DISP1: variants seen among roughly 807,000 people sequenced by gnomAD.
DISP1 encodes protein dispatched homolog 1.
In DISP1, 30 loss-of-function variants were observed where a neutral mutation model predicts 37.3. The observed-to-expected ratio is 0.80, with a 90% CI of 0.60 to 1.09. The LOEUF (loss-of-function observed/expected upper bound fraction) is 1.09, where lower values mean the gene tolerates loss of function less well. Among genes scored for constraint, DISP1 ranks in the 50% least tolerant of loss-of-function variants. The pLI is 0.00. For missense variants in DISP1, 1,598 were observed against 1,879.5 expected (o/e 0.85, Z 2.77); for synonymous variants, 634 against 690.2 (o/e 0.92, Z 1.28).
At chr1:222,981,840 T>C (rs1171446190) in intron 3 of DISP1, among the ~76,000 whole-genome samples, 3 of 152,206 alleles carry the variant, frequency 2.0e-5, no homozygotes, top group Non-Finnish European at 4.4e-5. Context: ...GCTAGGCAAT[T>C]CAATTATTCA....
At chr1:222,963,486 T>C (rs961961393) in intron 3 of DISP1, among the ~76,000 whole-genome samples, 1 of 152,150 alleles carries the variant, frequency 6.6e-6, no homozygotes, top group East Asian at 1.9e-4. Context: ...TGCAGCTCTA[T>C]TTACAATAGC....
intron 1 of DISP1, among the ~76,000 whole-genome samples, chr1:222,864,886 A>G (rs912846407): frequency 6.6e-6 from 1 of 152,198 alleles, no homozygotes; most frequent in Non-Finnish European, 1.5e-5. Context: ...CTTAAGACTC[A>G]TTCCCAAATT....
At chr1:222,948,550 C>G (rs80067453) in intron 3 of DISP1, among the ~76,000 whole-genome samples, 8,806 of 152,282 alleles carry the variant, frequency 0.058, 309 homozygotes, top group Non-Finnish European at 0.075. Context: ...CAGGAACTTA[C>G]TGTAACAAAG....
chr1:222,903,883 T>C (rs1195881673), intron 1 of DISP1, among the ~76,000 whole-genome samples: 3 of 152,202 alleles, frequency 2.0e-5, no homozygotes, highest in Non-Finnish European at 4.4e-5. Flanking sequence ...AGAAGGCTTA[T>C]CTTTGGGTGT....
rs1170292930 is a variant in DISP1, at chr1:222,992,110, A to G, written c.889A>G (p.Ser297Gly). 3.1e-6 allele frequency: 5 copies of G among 1,610,590 alleles called. No homozygotes were observed. In the South Asian group the frequency reaches 3.3e-5, roughly 11 times the overall value. ...HKDSFFCDVP[S>G]DRYSRVVFTS... is the part of the protein sequence containing the mutation. ...GGACAGCTTTTTCTGCGACGTTCCA[A>G]GTGAGTGACATTGTAGATGAACAAA... Residue 297 changes from serine (S) to glycine (G), a missense_variant and splice_region_variant, in exon 7 of 9, where the codon AGT (serine) becomes GGT (glycine). By Grantham distance (56) the Ser-to-Gly change is moderately conservative (BLOSUM62 0). Coordinates refer to ENST00000675850, the MANE Select transcript of DISP1 (RefSeq NM_001377229.1).
chr1:222,894,552 G>T (rs995293302), intron 1 of DISP1, among the ~76,000 whole-genome samples: 2 of 152,232 alleles, frequency 1.3e-5, no homozygotes, highest in Non-Finnish European at 2.9e-5. Flanking sequence ...GGAGCAGGGA[G>T]CAGGGGGAGG....
At chr1:222,914,507 T>G (rs935577643) in intron 1 of DISP1, among the ~76,000 whole-genome samples, 2 of 152,184 alleles carry the variant, frequency 1.3e-5, no homozygotes, top group African/African-American at 4.8e-5. Flanking sequence ...ACTCATCCTC[T>G]TGAAAAGGTT....
intron 4 of DISP1, among the ~76,000 whole-genome samples, chr1:222,986,747 A>G (rs2102721505): frequency 6.6e-6 from 1 of 152,330 alleles, no homozygotes; most frequent in East Asian, 1.9e-4. Context: ...TTTATACAGC[A>G]GTGCCCTGTA....
At chr1:222,977,342 C>CTTTTTT (rs397982983) in intron 3 of DISP1, among the ~76,000 whole-genome samples, 1 of 113,904 alleles carries the variant, frequency 8.8e-6, no homozygotes, top group Non-Finnish European at 1.7e-5. Flanking sequence ...TCAGCATATT[C>CTTTTTT]TTTTTTTTTT....
intron 3 of DISP1, among the ~76,000 whole-genome samples, chr1:222,957,145 T>TA (rs35888809): frequency 0.28 from 28,792 of 103,056 alleles, 3,839 homozygotes; most frequent in Non-Finnish European, 0.3. Context: ...TTTACTATTG[T>TA]AAAAAAAAAA....
chr1:222,862,707 A>G (rs1376257433), intron 1 of DISP1, among the ~76,000 whole-genome samples: 1 of 151,626 alleles, frequency 6.6e-6, no homozygotes, highest in African/African-American at 2.4e-5. Context: ...TCATTTTTAA[A>G]TTTTTTGTAG....
Position 223,002,418 on chromosome 1 carries a change from C to T in DISP1, c.1021C>T (p.Gln341Ter). The change falls in exon 9 of 9, where the codon CAG becomes TAG. Residue 341 changes from glutamine (Q) to a stop codon, truncating the protein, a stop_gained. Coordinates refer to ENST00000675850, the MANE Select transcript of DISP1 (RefSeq NM_001377229.1). LOFTEE classifies it low-confidence loss of function (END_TRUNC). ...TCATCCCCAGTTTGGTGATCTCTGC[C>T]AGAGGACCACTGCTGCCTCCTGCTG... ...RSHPQFGDLC[Q>*]RTTAASCCPS... 2 of 1,614,036 alleles carry T rather than the reference C, an allele frequency of 1.2e-6. No homozygotes were observed. The highest frequency in any genetic ancestry group is 1.7e-6 in the Non-Finnish European group (2 of 1,180,004).
intron 3 of DISP1, among the ~76,000 whole-genome samples, chr1:222,949,374 AC>A (rs1426626343): frequency 2.0e-5 from 3 of 151,974 alleles, no homozygotes; most frequent in African/African-American, 7.2e-5. Flanking sequence ...AGCCTGAGCG[AC>A]AGAGGGAGAC....
chr1:222,855,907 A>G (rs1310487049), intron 1 of DISP1, among the ~76,000 whole-genome samples: 1 of 151,860 alleles, frequency 6.6e-6, no homozygotes, highest in Non-Finnish European at 1.5e-5. Context: ...AGTTTCAAAA[A>G]AAAAAAAAAA....
intron 3 of DISP1, among the ~76,000 whole-genome samples, chr1:222,972,437 T>G (rs966498618): frequency 2.6e-5 from 4 of 152,104 alleles, no homozygotes; most frequent in Admixed American, 2.6e-4. Context: ...AATAGTGTTT[T>G]TATCCTATCA....
chr1:222,914,086 TG>T (rs1672364134), intron 1 of DISP1, among the ~76,000 whole-genome samples: 1 of 151,782 alleles, frequency 6.6e-6, no homozygotes, highest in Non-Finnish European at 1.5e-5. Flanking sequence ...ATCTTTGGGT[TG>T]TTTGAAATTC....
chr1:222,923,193 C>T (rs1188918254), intron 1 of DISP1, among the ~76,000 whole-genome samples: 1 of 152,004 alleles, frequency 6.6e-6, no homozygotes, highest in Non-Finnish European at 1.5e-5. Flanking sequence ...TGAAGATGGA[C>T]TTGGGGAGGC....
chr1:222,834,234 G>GA (rs924228919), intron 1 of DISP1, among the ~76,000 whole-genome samples: 36 of 146,758 alleles, frequency 2.5e-4, no homozygotes, highest in Admixed American at 1.0e-3. Flanking sequence ...GTCTTCAAAA[G>GA]AAAAAAAAAA....
intron 4 of DISP1, among the ~76,000 whole-genome samples, chr1:222,989,686 A>G (rs1159575138): frequency 3.3e-5 from 5 of 152,184 alleles, no homozygotes; most frequent in Admixed American, 3.3e-4. Flanking sequence ...ATAGATAGTT[A>G]TTGATCAACT....
Sources: gnomAD v4.1 joint callset for allele counts (sites outside exome capture counted in the v4.1 genomes callset) on GRCh38, gnomAD v4.1.1 for gene constraint, MANE v1.5 for transcripts, NCBI Gene and HGNC (gene_info 2026-07-23, HGNC 2026-07-21) for gene names.